The following PGR variants were observed in gnomAD, a reference collection of about 807,000 sequenced individuals.
PGR encodes progesterone receptor.
PGR carries 25 observed loss-of-function variants against 76.1 expected under a neutral mutation model. The ratio of observed to expected loss-of-function variants is 0.33; its 90% CI spans 0.24 to 0.46. PGR has a LOEUF of 0.46. Ranked by LOEUF, PGR falls within the 20% of genes least tolerant of loss-of-function variation. The pLI is 1.00. For missense variants in PGR, 1,172 were observed against 1,225.3 expected, an observed-to-expected ratio of 0.96 and a Z score of 0.65; for synonymous variants, 579 against 535.0, an observed-to-expected ratio of 1.08 and a Z score of -1.14.
rs1212311513 is a variant in PGR at position 101,036,412 on chromosome 11, A to G, written c.*2704T>C. 3 of 203,250 alleles carry G rather than the reference A, an allele frequency of 1.5e-5. No homozygotes were observed. In the East Asian group the frequency reaches 2.3e-4, roughly 15 times the overall value. 12.6% of individuals were successfully genotyped at this position (203,250 alleles called of 1,614,324 possible). The stretch of plus-strand genomic sequence containing the variant: ...CCTTTTTACAGAAAATATTTTCATT[A>G]ACTCAAGAATCTATTTCAGTAACCT... On this transcript the variant is annotated 3_prime_UTR_variant, in exon 8 of 8. Transcript: ENST00000325455.
intron 1 of PGR, among the ~76,000 whole-genome samples, chr11:101,126,360 C>A (rs1478830058): frequency 1.3e-5 from 2 of 152,136 alleles, no homozygotes; most frequent in African/African-American, 4.8e-5. Flanking sequence ...ATTAGCCATT[C>A]ATCAGTAGCA....
chr11:101,043,940 C>G (rs549183888), intron 6 of PGR, among the ~76,000 whole-genome samples: 2 of 152,178 alleles, frequency 1.3e-5, no homozygotes, highest in Admixed American at 1.3e-4. Context: ...TTCTTAAAGG[C>G]CTTAGGATCT....
chr11:101,113,106 C>T (rs570842474), intron 2 of PGR, among the ~76,000 whole-genome samples: 2 of 148,666 alleles, frequency 1.3e-5, no homozygotes, highest in East Asian at 1.9e-4. Flanking sequence ...AATACCTTCA[C>T]AACAAAATCA....
At chr11:101,056,538 G>A (rs190980709) in intron 4 of PGR, among the ~76,000 whole-genome samples, 1 of 151,282 alleles carries the variant, frequency 6.6e-6, no homozygotes, top group East Asian at 2.0e-4. Context: ...TACTGGGGAG[G>A]CTGAAGCAGG....
rs190283585 is a variant in PGR at position 101,071,905 on chromosome 11, C to T, written c.1907-9153G>A. On this transcript the variant is annotated intron_variant, in intron 3 of 7. Transcript: ENST00000325455. The stretch of plus-strand genomic sequence containing the variant: ...TGGAACCAAGTTGGAAAACACTCTT[C>T]GGGATAGTATCCAGGAGAACTTCCC... Among the ~76,000 whole-genome samples, 490 of 152,220 alleles carry T rather than the reference C, an allele frequency of 3.2e-3. 17 individuals are homozygous for T. The highest frequency in any genetic ancestry group is 0.03 in the Admixed American group (462 of 15,282).
chr11:101,121,275 A>G (rs1473880901), intron 2 of PGR, among the ~76,000 whole-genome samples: 2 of 152,244 alleles, frequency 1.3e-5, no homozygotes, highest in African/African-American at 2.4e-5. Flanking sequence ...GAGCCCAAAT[A>G]TTATTCAAAT....
intron 2 of PGR, among the ~76,000 whole-genome samples, chr11:101,098,434 T>C (rs1267964989): frequency 6.6e-6 from 1 of 152,058 alleles, no homozygotes; most frequent in Non-Finnish European, 1.5e-5. Flanking sequence ...AGGAATGAAA[T>C]AGTGAAAGTC....
At chr11:101,039,481 A>G (rs1273685217) in intron 7 of PGR, among the ~76,000 whole-genome samples, 1 of 151,972 alleles carries the variant, frequency 6.6e-6, no homozygotes, top group Non-Finnish European at 1.5e-5. Flanking sequence ...GATATTATGG[A>G]AAGATTTATT....
chr11:101,066,048 G>C (rs952933302), intron 3 of PGR, among the ~76,000 whole-genome samples: 2 of 152,126 alleles, frequency 1.3e-5, no homozygotes, highest in African/African-American at 4.8e-5. Context: ...CACCCACTCA[G>C]GGACTTTTCT....
rs542580589 is a variant in PGR, at chr11:101,085,537, A to C, written c.1906+6223T>G. On this transcript the variant is annotated intron_variant, in intron 3 of 7. Coordinates refer to ENST00000325455, the MANE Select transcript of PGR (RefSeq NM_000926.4). ...CACCTAGAGGAACTAAAAAAAAAAA[A>C]AAAAAAAAAAAAACAAGAACAAACT... Among the ~76,000 whole-genome samples, 6 of 148,742 alleles carry C rather than the reference A, an allele frequency of 4.0e-5. No homozygotes were observed. The South Asian group carries it at 1.3e-3, about 31-fold the overall frequency.
rs1859356154 is a variant in PGR at position 101,031,667 on chromosome 11, A to T, written c.*7449T>A. The T allele has an allele frequency of 9.1e-6, 2 of 220,242 alleles. No individual in the cohort carries two copies. The highest frequency in any genetic ancestry group is 4.5e-5 in the African/African-American group (2 of 44,338). 13.6% of individuals were successfully genotyped at this position (220,242 alleles called of 1,614,324 possible). On this transcript the variant is annotated 3_prime_UTR_variant, in exon 8 of 8. Coordinates refer to ENST00000325455, the MANE Select transcript of PGR (RefSeq NM_000926.4). ...TGGCATCTGATTATTTGATCATGAC[A>T]TCATTATTTGTATACAATGCAGCAA...
At chr11:101,066,693 G>A (rs1860728847) in intron 3 of PGR, among the ~76,000 whole-genome samples, 1 of 152,168 alleles carries the variant, frequency 6.6e-6, no homozygotes, top group South Asian at 2.1e-4. Flanking sequence ...TTCTAGGTTT[G>A]TAACTTCATT....
chr11:101,083,186 C>T (rs1393319848), intron 3 of PGR, among the ~76,000 whole-genome samples: 3 of 152,188 alleles, frequency 2.0e-5, no homozygotes, highest in Non-Finnish European at 4.4e-5. Flanking sequence ...AAACCCAAAG[C>T]CCTGGTGGCT....
chr11:101,075,571 T>C (rs1861092577), intron 3 of PGR, among the ~76,000 whole-genome samples: 1 of 149,054 alleles, frequency 6.7e-6, no homozygotes, highest in Non-Finnish European at 1.5e-5. Flanking sequence ...AATTTATCCA[T>C]CTAACAAAGG....
At chr11:101,085,338 T>C (rs1861454918) in intron 3 of PGR, among the ~76,000 whole-genome samples, 1 of 149,622 alleles carries the variant, frequency 6.7e-6, no homozygotes, top group South Asian at 2.1e-4. Flanking sequence ...CTGGATAACT[T>C]TGAGTAAACA....
At chr11:101,070,787 G>A (rs1370211453) in intron 3 of PGR, among the ~76,000 whole-genome samples, 1 of 152,164 alleles carries the variant, frequency 6.6e-6, no homozygotes, top group Admixed American at 6.5e-5. Context: ...TCCTCTCTGG[G>A]CAGGGCATCT....
chr11:101,034,317 T>C lies in PGR; in HGVS notation c.*4799A>G. On this transcript the variant is annotated 3_prime_UTR_variant, in exon 8 of 8. Coordinates refer to ENST00000325455, the MANE Select transcript of PGR (RefSeq NM_000926.4). Reference sequence around the variant, plus strand: ...CAGTCTTCCAGACTCCACAGCTGCATAAGGCTGCGGACAAGCTTGGGCGCA... The same window carrying C: ...CAGTCTTCCAGACTCCACAGCTGCACAAGGCTGCGGACAAGCTTGGGCGCA... 1 of 219,564 alleles carries C rather than the reference T, an allele frequency of 4.6e-6. No homozygotes were observed. Among genetic ancestry groups the C allele is most frequent in the African/African-American group, 2.2e-5 (1 of 44,628 alleles). The allele number at this position is 219,564 out of a possible 1,614,324, so 13.6% of individuals were successfully genotyped here.
At position 101,038,910 on chromosome 11, in the gene PGR, G is replaced by T; in HGVS notation, c.*206C>A. The T allele has an allele frequency of 2.1e-6, 1 of 466,462 alleles. No individual in the cohort carries two copies. Among genetic ancestry groups the T allele is most frequent in the Non-Finnish European group, 3.8e-6 (1 of 263,644 alleles). 28.9% of individuals were successfully genotyped at this position (466,462 alleles called of 1,614,324 possible). ...CTTGTAAATTCTTCAAGAAAATATG[G>T]GTAAACAAAACAGTTAAACATTCTA... On this transcript the variant is annotated 3_prime_UTR_variant, in exon 8 of 8. Coordinates refer to ENST00000325455, the MANE Select transcript of PGR (RefSeq NM_000926.4).
intron 4 of PGR, among the ~76,000 whole-genome samples, chr11:101,059,863 A>AAAAAAAAAAAAG (rs1565337616): frequency 1.4e-5 from 2 of 141,182 alleles, no homozygotes; most frequent in Non-Finnish European, 3.1e-5. Context: ...AAAAAAAAAG[A>AAAAAAAAAAAAG]AAAAAAAGAA....
Sources: allele counts gnomAD v4.1 joint callset (sites outside exome capture counted in the v4.1 genomes callset), GRCh38; gene constraint gnomAD v4.1.1; transcripts MANE v1.5; gene names NCBI Gene and HGNC (gene_info 2026-07-23, HGNC 2026-07-21).